The following NCAM2 variants were observed in gnomAD, a reference collection of about 807,000 sequenced individuals.
The protein encoded by NCAM2 is N-CAM-2.
In NCAM2, 30 loss-of-function variants were observed where a neutral mutation model predicts 98.1. That is an observed-to-expected ratio of 0.31 (90% CI 0.23 to 0.41). NCAM2 has a LOEUF of 0.41. Ranked by LOEUF, NCAM2 falls within the 10% of genes least tolerant of loss-of-function variation. The probability of loss-of-function intolerance (pLI) is 1.00; values close to 1 mark genes in which losing one functional copy is unlikely to be tolerated. For synonymous variants in NCAM2, 368 were observed against 342.4 expected, an observed-to-expected ratio of 1.07 and a Z score of -0.83; for missense variants, 867 against 1,005.8, an observed-to-expected ratio of 0.86 and a Z score of 1.87.
At chr21:21,435,969 G>A (rs1978314505) in intron 12 of NCAM2, among the ~76,000 whole-genome samples, 1 of 152,166 alleles carries the variant, frequency 6.6e-6, no homozygotes, top group South Asian at 2.1e-4. Context: ...CCCAGGGAAA[G>A]AAGCTGAGTA....
chr21:21,418,162 C>T (rs1189206027), intron 10 of NCAM2, among the ~76,000 whole-genome samples: 1 of 151,834 alleles, frequency 6.6e-6, no homozygotes, highest in Admixed American at 6.6e-5. Flanking sequence ...ACTTTCTGAG[C>T]TTTACATATA....
At chr21:21,424,183 T>C (rs997702693) in intron 11 of NCAM2, among the ~76,000 whole-genome samples, 43 of 152,194 alleles carry the variant, frequency 2.8e-4, no homozygotes, top group Non-Finnish European at 8.8e-5. Flanking sequence ...TAATATATTC[T>C]TGGTTTTCTC....
intron 1 of NCAM2, among the ~76,000 whole-genome samples, chr21:21,138,330 T>C (rs1168485598): frequency 1.3e-5 from 2 of 152,174 alleles, no homozygotes; most frequent in East Asian, 1.9e-4. Flanking sequence ...CTTGGTGTGA[T>C]AGTAAAAACA....
At chr21:21,304,381 G>A (rs1596574) in intron 5 of NCAM2, among the ~76,000 whole-genome samples, 2,803 of 151,666 alleles carry the variant, frequency 0.018, 91 homozygotes, top group East Asian at 0.15. Context: ...TAAAAACACC[G>A]TACTTTAGCA....
rs2070908513 is a variant in NCAM2 at position 21,238,015 on chromosome 21, G to C, written c.56-42563G>C. 2.2e-5 allele frequency among the ~76,000 whole-genome samples: 3 copies of C among 137,090 alleles called. No individual in the cohort carries two copies. The South Asian group carries it at 6.8e-4, about 31-fold the overall frequency. 89.9% of individuals were successfully genotyped at this position (137,090 alleles called of 152,430 possible). A position where few individuals can be genotyped will look rare whatever the true frequency, so the allele number is the denominator to read the frequency against. The stretch of plus-strand genomic sequence containing the variant: ...CTGTCGCCCAGGCTGGAGTGCAGTG[G>C]TGCAGTCTCGGTTCACTGCAACCCC... On this transcript the variant is annotated intron_variant, in intron 1 of 17. Transcript: ENST00000400546.
intron 1 of NCAM2, among the ~76,000 whole-genome samples, chr21:21,068,078 T>C (rs906620378): frequency 7.9e-5 from 12 of 152,122 alleles, no homozygotes; most frequent in African/African-American, 2.9e-4. Flanking sequence ...GTGAAAGATG[T>C]ACATAACCAA....
chr21:21,271,496 C>T (rs2072497067), intron 1 of NCAM2, among the ~76,000 whole-genome samples: 2 of 152,046 alleles, frequency 1.3e-5, no homozygotes, highest in African/African-American at 4.8e-5. Context: ...TAATATCATG[C>T]CTTTAAACTT....
chr21:21,150,982 AT>A (rs35435929), intron 1 of NCAM2, among the ~76,000 whole-genome samples: 82,069 of 151,296 alleles, frequency 0.54, 23,382 homozygotes, highest in South Asian at 0.66. Flanking sequence ...TTAAAAATAT[AT>A]ATATATTTTT....
intron 1 of NCAM2, among the ~76,000 whole-genome samples, chr21:21,265,494 ATAAT>A (rs1568857620): frequency 7.0e-6 from 1 of 142,638 alleles, no homozygotes; most frequent in African/African-American, 2.6e-5. Context: ...ATACACATAT[ATAAT>A]ATATGTGTGT....
At position 21,386,654 on chromosome 21, in the gene NCAM2, T is replaced by C. The variant is rs1020367441; in HGVS notation, c.1195+12641T>C. On this transcript the variant is annotated intron_variant, in intron 9 of 17. Transcript: ENST00000400546. The stretch of plus-strand genomic sequence containing the variant: ...AAAATGTGAAATACCACATTCTTCA[T>C]GTGTATAGATACTGTCGATTGTCCT... Among the ~76,000 whole-genome samples, 15 of 152,302 alleles carry C rather than the reference T, an allele frequency of 9.8e-5. No homozygotes were observed. The South Asian group carries it at 2.9e-3, about 29-fold the overall frequency.
intron 7 of NCAM2, among the ~76,000 whole-genome samples, chr21:21,337,686 T>G (rs2074910621): frequency 6.6e-6 from 1 of 152,024 alleles, no homozygotes; most frequent in Non-Finnish European, 1.5e-5. Context: ...GGGACATATT[T>G]TAATATTAAG....
intron 16 of NCAM2, among the ~76,000 whole-genome samples, chr21:21,527,958 G>A (rs1989418403): frequency 6.6e-6 from 1 of 152,334 alleles, no homozygotes; most frequent in Non-Finnish European, 1.5e-5. Context: ...ACATCCTTCA[G>A]TAGGTAAATG....
At chr21:21,439,899 A>T (rs1164578318) in intron 12 of NCAM2, among the ~76,000 whole-genome samples, 6 of 152,216 alleles carry the variant, frequency 3.9e-5, no homozygotes, top group Admixed American at 3.9e-4. Flanking sequence ...GTTCATTCAT[A>T]TACTGAGTCA....
intron 5 of NCAM2, among the ~76,000 whole-genome samples, chr21:21,313,097 A>G (rs983333241): frequency 6.6e-6 from 1 of 151,882 alleles, no homozygotes; most frequent in African/African-American, 2.4e-5. Context: ...GATATTGGCA[A>G]TATGTGTCAT....
At chr21:21,039,028 T>C (rs7510166) in intron 1 of NCAM2, among the ~76,000 whole-genome samples, 143,237 of 152,230 alleles carry the variant, frequency 0.94, 68,000 homozygotes, top group East Asian at 1. Context: ...GATTTGTTTA[T>C]TCTATTAATA....
intron 15 of NCAM2, among the ~76,000 whole-genome samples, chr21:21,486,011 C>T (rs182656607): frequency 8.7e-4 from 133 of 152,074 alleles, no homozygotes; most frequent in African/African-American, 3.0e-3. Context: ...CGATAAAACA[C>T]ACTTCTGGCC....
rs1438126906 is a variant in NCAM2, at chr21:21,481,328, CT to C, written c.2077+3858del. 2.6e-5 allele frequency among the ~76,000 whole-genome samples: 4 copies of C among 152,254 alleles called. No homozygotes were observed. In the East Asian group the frequency reaches 7.7e-4, roughly 29 times the overall value. On this transcript the variant is annotated intron_variant, in intron 15 of 17. Transcript: ENST00000400546. ...ATGAGACTAACACTTTACAAACTTACTGGAAAAACAGGAGCGTAGTATCTTG... is the reference window on the plus strand; with the variant it reads ...ATGAGACTAACACTTTACAAACTTACGGAAAAACAGGAGCGTAGTATCTTG...
chr21:21,497,764 A>G (rs1987346470), intron 15 of NCAM2, among the ~76,000 whole-genome samples: 2 of 152,164 alleles, frequency 1.3e-5, no homozygotes, highest in South Asian at 4.1e-4. Flanking sequence ...TAAGTAATAA[A>G]ATGTCTACAT....
At chr21:21,046,724 A>T (rs1240146369) in intron 1 of NCAM2, among the ~76,000 whole-genome samples, 1 of 152,164 alleles carries the variant, frequency 6.6e-6, no homozygotes, top group African/African-American at 2.4e-5. Flanking sequence ...GGGAAACTTA[A>T]TTCTTACTGG....
Sources: allele counts gnomAD v4.1 joint callset (sites outside exome capture counted in the v4.1 genomes callset), GRCh38; gene constraint gnomAD v4.1.1; transcripts MANE v1.5; gene names NCBI Gene and HGNC (gene_info 2026-07-23, HGNC 2026-07-21).